The following RAB11B variants were observed in gnomAD, a reference collection of about 807,000 sequenced individuals.
RAB11B encodes RAB11B, member RAS oncogene family, also known as ras-related protein Rab-11B.
RAB11B carries 7 observed loss-of-function variants against 23.7 expected under a neutral mutation model. That is an observed-to-expected ratio of 0.29 (90% CI 0.17 to 0.55). The LOEUF is 0.55. Ranked by LOEUF, RAB11B falls within the 20% of genes least tolerant of loss-of-function variation. The pLI is 0.93. For synonymous variants in RAB11B, 138 were observed against 132.0 expected, an observed-to-expected ratio of 1.05 and a Z score of -0.31; for missense variants, 189 against 320.0, an observed-to-expected ratio of 0.59 and a Z score of 3.12.
chr19:8,399,424 C>T (rs1410125337), intron 1 of RAB11B, among the ~76,000 whole-genome samples: 1 of 152,198 alleles, frequency 6.6e-6, no homozygotes, highest in African/African-American at 2.4e-5. Context: ...TGACTGCCTT[C>T]CTGTTCACAC....
chr19:8,392,927 C>G (rs1284775000), intron 1 of RAB11B, among the ~76,000 whole-genome samples: 1 of 151,276 alleles, frequency 6.6e-6, no homozygotes, highest in African/African-American at 2.4e-5. Context: ...CTCAGGTGAT[C>G]CACCTGTCTC....
chr19:8,403,127 G>A (rs1380993739), intron 4 of RAB11B, among the ~76,000 whole-genome samples: 6 of 152,228 alleles, frequency 3.9e-5, no homozygotes, highest in East Asian at 1.9e-4. Context: ...AACTCTTGGC[G>A]CTGCGGGGAG....
At chr19:8,390,690 G>C in intron 1 of RAB11B, 1 of 409,330 alleles carries the variant, frequency 2.4e-6, no homozygotes, top group Non-Finnish European at 4.2e-6. Flanking sequence ...ACGCGCCGGG[G>C]CGGGGCCAGA....
chr19:8,397,207 G>C (rs926892126), intron 1 of RAB11B, among the ~76,000 whole-genome samples: 5 of 152,120 alleles, frequency 3.3e-5, no homozygotes, highest in African/African-American at 4.8e-5. Flanking sequence ...GAGGGGCCTG[G>C]GGCCCCTGAG....
chr19:8,403,598 C>T lies in RAB11B; in HGVS notation c.*40C>T, dbSNP rs1260996319. On this transcript the variant is annotated 3_prime_UTR_variant, in exon 5 of 5. Coordinates refer to ENST00000328024, the MANE Select transcript of RAB11B (RefSeq NM_004218.4). ...CCCAGCGTGCGTGCACGTCCTCCGC[C>T]CGCCCCCGCCACGGTATCCTCTGGC... 2 of 1,579,858 alleles carry T rather than the reference C, an allele frequency of 1.3e-6. No homozygotes were observed. Among genetic ancestry groups the T allele is most frequent in the Admixed American group, 1.7e-5 (1 of 58,626 alleles).
At position 8,396,094 on chromosome 19, in the gene RAB11B, T is replaced by C. The variant is rs781312661; in HGVS notation, c.41-3769T>C. On this transcript the variant is annotated intron_variant, in intron 1 of 4. Coordinates refer to ENST00000328024, the MANE Select transcript of RAB11B (RefSeq NM_004218.4). The surrounding 1 kb of genome is among the most constrained non-coding windows in gnomAD (Gnocchi z 5.0). ...GTAAAAATGGGCTACAGGAGGCTTC[T>C]GCGAAGTAACGCACATCAAGAGCTT... is the stretch of plus-strand genomic sequence containing the variant. 1.3e-5 allele frequency among the ~76,000 whole-genome samples: 2 copies of C among 152,230 alleles called. No individual in the cohort carries two copies. Among genetic ancestry groups the C allele is most frequent in the Admixed American group, 6.5e-5 (1 of 15,282 alleles).
At chr19:8,401,719 G>A (rs551911195) in intron 2 of RAB11B, among the ~76,000 whole-genome samples, 3 of 151,120 alleles carry the variant, frequency 2.0e-5, no homozygotes, top group African/African-American at 7.3e-5. Flanking sequence ...ATGGGGTATC[G>A]CCATGTTGCC....
At chr19:8,395,261 T>C (rs1437320176) in intron 1 of RAB11B, among the ~76,000 whole-genome samples, 2 of 147,516 alleles carry the variant, frequency 1.4e-5, no homozygotes, top group Non-Finnish European at 3.0e-5. Context: ...CTCCACCTCT[T>C]TCCATCTTTC....
At chr19:8,392,685 C>CTTTTTTTTTTTTTTTTTTTTTTTTTTTT (rs74176644) in intron 1 of RAB11B, among the ~76,000 whole-genome samples, 1 of 79,666 alleles carries the variant, frequency 1.3e-5, no homozygotes, top group Non-Finnish European at 2.3e-5. Flanking sequence ...TTTTTCTTTT[C>CTTTTTTTTTTTTTTTTTTTTTTTTTTTT]TTTTTTTTTT....
At chr19:8,402,350 C>G in intron 3 of RAB11B, 71 bp downstream of exon 3, 2 of 1,524,514 alleles carry the variant, frequency 1.3e-6, no homozygotes, top group South Asian at 2.5e-5. Flanking sequence ...TGTTGGGGCC[C>G]TGGCCACAGC....
Position 8,396,037 on chromosome 19 carries a change from C to T in RAB11B, c.41-3826C>T, listed in dbSNP as rs187281902. Among the ~76,000 whole-genome samples the T allele has an allele frequency of 3.3e-5, 5 of 152,326 alleles. No individual in the cohort carries two copies. Among genetic ancestry groups the T allele is most frequent in the Admixed American group, 2.0e-4 (3 of 15,292 alleles). On this transcript the variant is annotated intron_variant, in intron 1 of 4. Coordinates refer to ENST00000328024, the MANE Select transcript of RAB11B (RefSeq NM_004218.4). The surrounding 1 kb of genome is among the most constrained non-coding windows in gnomAD (Gnocchi z 5.0). ...CAGGGTCCTGCTCTGCCCCGCACCC[C>T]GTTCCCCATCCAAGCCTCAGTTTCC...
chr19:8,396,147 C>T lies in RAB11B; in HGVS notation c.41-3716C>T, dbSNP rs1028302939. On this transcript the variant is annotated intron_variant, in intron 1 of 4. Coordinates refer to ENST00000328024, the MANE Select transcript of RAB11B (RefSeq NM_004218.4). This position sits in a 1 kb window ranked among gnomAD's most constrained non-coding sequence, Gnocchi z 5.0. The stretch of plus-strand genomic sequence containing the variant: ...TTAGCACAAGCTCATCGAATATTCT[C>T]CTTGTTCTTGTTATTCTTGGCTTCC... Among the ~76,000 whole-genome samples the T allele has an allele frequency of 2.6e-5, 4 of 152,190 alleles. No homozygotes were observed. The highest frequency in any genetic ancestry group is 2.6e-4 in the Admixed American group (4 of 15,282).
chr19:8,400,395 C>A (rs539665106), intron 2 of RAB11B: 3 of 343,422 alleles, frequency 8.7e-6, no homozygotes, highest in South Asian at 3.7e-5. Flanking sequence ...TGGTCCCACA[C>A]GCCTCCTGTC....
At chr19:8,399,249 GGGTACTTTTTGTAT>G in intron 1 of RAB11B, among the ~76,000 whole-genome samples, 1 of 152,134 alleles carries the variant, frequency 6.6e-6, no homozygotes, top group African/African-American at 2.4e-5. Flanking sequence ...CACCGCGCCC[GGGTACTTTTTGTAT>G]TTTTTATAGA....
chr19:8,394,974 A>G (rs757228019), intron 1 of RAB11B, among the ~76,000 whole-genome samples: 7 of 152,214 alleles, frequency 4.6e-5, no homozygotes, highest in Non-Finnish European at 1.0e-4. Context: ...AGGAGCCACT[A>G]AGGCTGTACA....
chr19:8,399,792 C>G (rs1971423510), intron 1 of RAB11B, 71 bp from the exon 2 acceptor site: 2 of 1,547,658 alleles, frequency 1.3e-6, no homozygotes, highest in African/African-American at 2.7e-5. Flanking sequence ...ACCCAGGGAA[C>G]CGGCGGGAAG....
At chr19:8,393,832 A>G (rs1442920147) in intron 1 of RAB11B, among the ~76,000 whole-genome samples, 1 of 152,214 alleles carries the variant, frequency 6.6e-6, no homozygotes, top group Non-Finnish European at 1.5e-5. Flanking sequence ...CTGGGCCCCC[A>G]GGGCCACCAC....
intron 2 of RAB11B, among the ~76,000 whole-genome samples, chr19:8,401,070 A>T (rs114220111): frequency 0.011 from 1,638 of 147,784 alleles, 25 homozygotes; most frequent in African/African-American, 0.039. Flanking sequence ...TTAATTAATT[A>T]ATTTATTTAT....
intron 1 of RAB11B, among the ~76,000 whole-genome samples, chr19:8,398,443 A>G (rs1971412864): frequency 6.6e-6 from 1 of 152,212 alleles, no homozygotes; most frequent in African/African-American, 2.4e-5. Context: ...CTGTGCACAC[A>G]CGTGGACTGC....
Sources: allele counts gnomAD v4.1 joint callset (sites outside exome capture counted in the v4.1 genomes callset), GRCh38; gene constraint gnomAD v4.1.1; non-coding constraint Gnocchi (gnomAD v3.1); transcripts MANE v1.5; gene names NCBI Gene and HGNC (gene_info 2026-07-23, HGNC 2026-07-21).